CHAC2: variants seen among roughly 807,000 people sequenced by gnomAD.
CHAC2 encodes glutathione-specific gamma-glutamylcyclotransferase 2.
In CHAC2, 20 loss-of-function variants were observed where a neutral mutation model predicts 16.9. The ratio of observed to expected loss-of-function variants is 1.18; its 90% confidence interval spans 0.83 to 1.72. The LOEUF is 1.72. Among genes scored for constraint, CHAC2 ranks in the 40% most tolerant of loss-of-function variants. The probability of loss-of-function intolerance (pLI) is 0.00; values close to 1 mark genes in which losing one functional copy is unlikely to be tolerated. For synonymous variants in CHAC2, 91 were observed against 77.3 expected, an observed-to-expected ratio of 1.18 and a Z score of -0.93; for missense variants, 269 against 222.2, an observed-to-expected ratio of 1.21 and a Z score of -1.34.
intron 1 of CHAC2, 149 bp downstream of exon 1, chr2:53,768,170 C>G (rs1673626639): frequency 1.1e-6 from 1 of 897,446 alleles, no homozygotes; most frequent in African/African-American, 1.7e-5. Flanking sequence ...TAGATTTTCC[C>G]TGCCACCTGC....
At chr2:53,768,551 C>T (rs1673664019) in intron 1 of CHAC2, among the ~76,000 whole-genome samples, 1 of 152,180 alleles carries the variant, frequency 6.6e-6, no homozygotes, top group Non-Finnish European at 1.5e-5. Context: ...CACAGGATTG[C>T]AGAATGAGTT....
intron 1 of CHAC2, among the ~76,000 whole-genome samples, chr2:53,768,779 A>G (rs148665072): frequency 9.1e-4 from 138 of 152,368 alleles, no homozygotes; most frequent in African/African-American, 3.0e-3. Context: ...TAATCTCAAT[A>G]TATGTATAGA....
Sources: allele counts gnomAD v4.1 joint callset (sites outside exome capture counted in the v4.1 genomes callset), GRCh38; gene constraint gnomAD v4.1.1; transcripts MANE v1.5; gene names NCBI Gene and HGNC (gene_info 2026-07-23, HGNC 2026-07-21).